WIPF1: variants seen among roughly 807,000 people sequenced by gnomAD.
The protein encoded by WIPF1 is WAS/WASL-interacting protein family member 1.
In WIPF1, 13 loss-of-function variants were observed where a neutral mutation model predicts 35.4. The ratio of observed to expected loss-of-function variants is 0.37; its 90% CI spans 0.24 to 0.58. WIPF1 has a LOEUF of 0.58. Among genes scored for constraint, WIPF1 ranks in the 20% least tolerant of loss-of-function variants. The pLI is 0.74. For missense variants in WIPF1, 591 were observed against 667.0 expected, an observed-to-expected ratio of 0.89 and a Z score of 1.25; for synonymous variants, 267 against 266.3, an observed-to-expected ratio of 1.00 and a Z score of -0.02.
intron 1 of WIPF1, among the ~76,000 whole-genome samples, chr2:174,648,157 G>A (rs1414998924): frequency 6.6e-6 from 1 of 152,198 alleles, no homozygotes; most frequent in African/African-American, 2.4e-5. Context: ...CATCTCTCGA[G>A]ATTTTATTAA....
rs144283113 is a variant in WIPF1, at chr2:174,617,837, A to C, written c.-38-32226T>G. ...GCCAGTCCATGAATGGAAAGAAGTG[A>C]ATAAAGATATCAGAAAGTAGACAAA... On this transcript the variant is annotated intron_variant, in intron 1 of 8. Transcript: ENST00000272746. Among the ~76,000 whole-genome samples the C allele has an allele frequency of 2.8e-3, 430 of 152,336 alleles. 3 individuals carry two copies. Among genetic ancestry groups the C allele is most frequent in the African/African-American group, 9.8e-3 (409 of 41,564 alleles).
intron 3 of WIPF1, among the ~76,000 whole-genome samples, chr2:174,575,696 G>C (rs966676344): frequency 1.3e-5 from 2 of 152,256 alleles, no homozygotes; most frequent in Admixed American, 6.5e-5. Context: ...GGATCTTCAG[G>C]CTGGGTGCAG....
At chr2:174,562,955 T>C (rs972124065) in intron 7 of WIPF1, among the ~76,000 whole-genome samples, 2 of 152,236 alleles carry the variant, frequency 1.3e-5, no homozygotes, top group African/African-American at 4.8e-5. Flanking sequence ...ATTATGTGTA[T>C]ATTTTTTACT....
intron 1 of WIPF1, among the ~76,000 whole-genome samples, chr2:174,619,632 ACCC>A (rs1210404349): frequency 6.6e-6 from 1 of 152,076 alleles, no homozygotes; most frequent in South Asian, 2.1e-4. Context: ...GAAGGCCTAG[ACCC>A]CCTTTGGCTA....
At chr2:174,578,408 T>C (rs1685132121) in intron 3 of WIPF1, among the ~76,000 whole-genome samples, 1 of 152,228 alleles carries the variant, frequency 6.6e-6, no homozygotes, top group African/African-American at 2.4e-5. Context: ...TCTTAAAATT[T>C]GAAAGAATTT....
chr2:174,679,529 A>G (rs1688208508), intron 1 of WIPF1, among the ~76,000 whole-genome samples: 1 of 151,914 alleles, frequency 6.6e-6, no homozygotes, highest in Non-Finnish European at 1.5e-5. Flanking sequence ...GGACTGGCCC[A>G]TGCTTTACCC....
chr2:174,597,894 A>C (rs1685872574), upstream of WIPF1: 1 of 152,626 alleles, frequency 6.6e-6, no homozygotes, highest in Non-Finnish European at 1.5e-5. Context: ...TTTGCTTAAG[A>C]AGCAAGCAAG....
intron 1 of WIPF1, among the ~76,000 whole-genome samples, chr2:174,662,967 T>C (rs1184551444): frequency 6.6e-6 from 1 of 152,226 alleles, no homozygotes; most frequent in Admixed American, 6.5e-5. Context: ...CTTTACAAAA[T>C]TAACGTTTAA....
chr2:174,627,748 G>A lies in WIPF1; in HGVS notation c.-38-42137C>T, dbSNP rs139219979. ...TTTTGTAGAGATGGGGTCTTCCTAC[G>A]TTGCCCAGGCTGGTCTCGAACTCCT... On this transcript the variant is annotated intron_variant, in intron 1 of 8. Coordinates refer to the WIPF1 transcript ENST00000272746. Among the ~76,000 whole-genome samples, 403 of 151,914 alleles carry A rather than the reference G, an allele frequency of 2.7e-3. 2 individuals carry two copies. Among genetic ancestry groups the A allele is most frequent in the African/African-American group, 9.1e-3 (378 of 41,430 alleles).
chr2:174,606,216 A>G (rs1686158726), intron 1 of WIPF1, among the ~76,000 whole-genome samples: 1 of 152,238 alleles, frequency 6.6e-6, no homozygotes, highest in Admixed American at 6.5e-5. Context: ...GTGCAATTCT[A>G]TATTTTCTAC....
At chr2:174,565,038 C>A (rs570995195) in intron 7 of WIPF1, among the ~76,000 whole-genome samples, 14 of 151,810 alleles carry the variant, frequency 9.2e-5, no homozygotes, top group African/African-American at 3.4e-4. Flanking sequence ...TGGGATTACA[C>A]GCATGCGCCC....
At chr2:174,669,444 T>C (rs1038086340) in intron 1 of WIPF1, among the ~76,000 whole-genome samples, 1 of 152,200 alleles carries the variant, frequency 6.6e-6, no homozygotes, top group Non-Finnish European at 1.5e-5. Flanking sequence ...CATGATTTCA[T>C]TCAGCTGGTA....
At chr2:174,574,770 C>A in intron 4 of WIPF1, 2 of 662,642 alleles carry the variant, frequency 3.0e-6, no homozygotes, top group South Asian at 3.4e-5. Flanking sequence ...GATTTGTAAT[C>A]ATATTCCACA....
chr2:174,585,459 G>T, intron 2 of WIPF1, 64 bp downstream of exon 2: 1 of 1,484,904 alleles, frequency 6.7e-7, no homozygotes, highest in Non-Finnish European at 9.4e-7. Flanking sequence ...ACACATGCAC[G>T]CCAGGTTTTG....
chr2:174,598,714 G>A (rs1184800418), upstream of WIPF1, among the ~76,000 whole-genome samples: 4 of 152,108 alleles, frequency 2.6e-5, no homozygotes, highest in African/African-American at 9.7e-5. Flanking sequence ...TATGCCAAAT[G>A]TTTCTGTCCC....
At position 174,561,942 on chromosome 2, in the gene WIPF1, T is replaced by G; in HGVS notation, c.*605A>C. On this transcript the variant is annotated 3_prime_UTR_variant, in exon 8 of 8. Transcript: ENST00000679041. The stretch of plus-strand genomic sequence containing the variant: ...TTTATGTTGATTACAGGTTGAAATA[T>G]TTTGGATGCATATTAACTTCACTTG... The G allele has an allele frequency of 1.1e-6, 1 of 924,082 alleles. No homozygotes were observed. Among genetic ancestry groups the G allele is most frequent in the South Asian group, 1.9e-5 (1 of 52,950 alleles). 57.2% of individuals were successfully genotyped at this position (924,082 alleles called of 1,614,324 possible). A position where few individuals can be genotyped will look rare whatever the true frequency, so the allele number is the denominator to read the frequency against.
intron 1 of WIPF1, among the ~76,000 whole-genome samples, chr2:174,666,900 G>T (rs529378468): frequency 6.6e-6 from 1 of 152,344 alleles, no homozygotes; most frequent in South Asian, 2.1e-4. Context: ...TTTAATTCTA[G>T]AAGGGTCCAG....
chr2:174,614,594 T>C (rs1686452434), intron 1 of WIPF1, among the ~76,000 whole-genome samples: 1 of 152,234 alleles, frequency 6.6e-6, no homozygotes, highest in Non-Finnish European at 1.5e-5. Context: ...TGAAAGGTAC[T>C]AGTGCCAAGA....
At chr2:174,650,614 C>T (rs1266773047) in intron 1 of WIPF1, among the ~76,000 whole-genome samples, 2 of 152,200 alleles carry the variant, frequency 1.3e-5, no homozygotes, top group African/African-American at 4.8e-5. Context: ...CTCTCTTTAG[C>T]TTTTCAGTTT....
Sources: allele counts gnomAD v4.1 joint callset (sites outside exome capture counted in the v4.1 genomes callset), GRCh38; gene constraint gnomAD v4.1.1; transcripts MANE v1.5; gene names NCBI Gene and HGNC (gene_info 2026-07-23, HGNC 2026-07-21).